The following CSNK1D variants were observed in gnomAD, a reference collection of about 807,000 sequenced individuals.
CSNK1D encodes the protein casein kinase I isoform delta.
In CSNK1D, 16 loss-of-function variants were observed where a neutral mutation model predicts 46.6. The observed-to-expected ratio is 0.34, with a 90% CI of 0.23 to 0.52. The LOEUF is 0.52. CSNK1D is among the 20% of genes least tolerant of loss of function. The pLI, the probability that CSNK1D is intolerant of heterozygous loss-of-function variation, is 0.95. For synonymous variants in CSNK1D, 276 were observed against 228.2 expected, an observed-to-expected ratio of 1.21 and a Z score of -1.89; for missense variants, 398 against 578.4, an observed-to-expected ratio of 0.69 and a Z score of 3.20.
At chr17:82,269,596 A>G (rs1392740806) in intron 1 of CSNK1D, among the ~76,000 whole-genome samples, 1 of 152,250 alleles carries the variant, frequency 6.6e-6, no homozygotes. Flanking sequence ...ACAGGTGGAC[A>G]AATGGAGGCC....
At position 82,251,465 on chromosome 17, in the gene CSNK1D, A is replaced by C; in HGVS notation, c.799T>G (p.Ser267Ala). ...TTCCGGAAAAGCTGCCGCAGGTACG[A>C]GTAGTCAGGCTTGTCGTCAAAACGC... ...SLRFDDKPDY[S>A]YLRQLFRNLF... Residue 267 changes from serine to alanine, a missense_variant, in exon 6 of 9, where the codon TCG (serine) becomes GCG (alanine). By Grantham distance (99) the Ser-to-Ala change is moderately conservative. Around this residue, in one of 2 missense-constraint regions of CSNK1D, gnomAD observed 217 missense variants for 370.3 expected, o/e 0.59. Coordinates refer to ENST00000314028, the MANE Select transcript of CSNK1D (RefSeq NM_001893.6). The surrounding 1 kb of genome is among the most constrained non-coding windows in gnomAD (Gnocchi z 4.5). 5 of 1,614,162 alleles carry C rather than the reference A, an allele frequency of 3.1e-6. No individual in the cohort carries two copies. Among genetic ancestry groups the C allele is most frequent in the Non-Finnish European group, 4.2e-6 (5 of 1,180,018 alleles).
chr17:82,266,439 G>A (rs1017582508), intron 1 of CSNK1D, among the ~76,000 whole-genome samples: 5 of 152,250 alleles, frequency 3.3e-5, no homozygotes, highest in African/African-American at 4.8e-5. Context: ...AACACGCACC[G>A]GTCACACATC....
Position 82,250,220 on chromosome 17 carries a change from G to T in CSNK1D, c.886-618C>A. 7.8e-7 allele frequency: 1 copy of T among 1,289,780 alleles called. No homozygotes were observed. Among genetic ancestry groups the T allele is most frequent in the Non-Finnish European group, 1.0e-6 (1 of 988,794 alleles). The allele number at this position is 1,289,780 out of a possible 1,614,324, so 79.9% of individuals were successfully genotyped here. On this transcript the variant is annotated intron_variant, in intron 6 of 8. Transcript: ENST00000314028. This position sits in a 1 kb window ranked among gnomAD's most constrained non-coding sequence, Gnocchi z 4.6. ...TTCTAACTGCCAATGCTGTGCGGCA[G>T]GGGCCTGCAAACTACAGCCCCGGGG...
intron 8 of CSNK1D, chr17:82,246,593 A>G (rs1200240034): frequency 1.3e-5 from 13 of 1,023,186 alleles, no homozygotes; most frequent in African/African-American, 1.7e-5. Context: ...GCCCGAAAAG[A>G]GAGGGGGCGA....
Position 82,273,018 on chromosome 17 carries a change from T to C in CSNK1D, c.76+288A>G, listed in dbSNP as rs973893647. 3 of 242,508 alleles carry C rather than the reference T, an allele frequency of 1.2e-5. No homozygotes were observed. The highest frequency in any genetic ancestry group is 2.8e-5 in the African/African-American group (1 of 35,588). The allele number at this position is 242,508 out of a possible 1,614,324, so 15.0% of individuals were successfully genotyped here. ...ACCCAGGTCGGCTCCCCAGAGACCATGCCCCACCCCGGGTCAGCTCCCCTA... is the reference window on the plus strand; with the variant it reads ...ACCCAGGTCGGCTCCCCAGAGACCACGCCCCACCCCGGGTCAGCTCCCCTA... On this transcript the variant is annotated intron_variant, in intron 1 of 8. Transcript: ENST00000314028. This position sits in a 1 kb window ranked among gnomAD's most constrained non-coding sequence, Gnocchi z 5.1.
chr17:82,246,236 C>A, intron 8 of CSNK1D: 1 of 1,486,866 alleles, frequency 6.7e-7, no homozygotes, highest in Non-Finnish European at 8.9e-7. Flanking sequence ...GGTGCCCACT[C>A]CTCTTCTGGA....
chr17:82,246,751 C>T (rs2050860745), intron 8 of CSNK1D: 2 of 991,924 alleles, frequency 2.0e-6, no homozygotes, highest in Non-Finnish European at 2.4e-6. Flanking sequence ...TTCCTGCTGC[C>T]TCCTCCCATC....
Position 82,249,619 on chromosome 17 carries a change from T to C in CSNK1D, c.886-17A>G. ...GCTGGCACCCTGAGGAGGCAGGAGG[T>C]GAGGCCGGAATGGAACCAGCTTTGG... On this transcript the variant is annotated splice_polypyrimidine_tract_variant and intron_variant, in intron 6 of 8. Coordinates refer to ENST00000314028, the MANE Select transcript of CSNK1D (RefSeq NM_001893.6). The surrounding 1 kb of genome is among the most constrained non-coding windows in gnomAD (Gnocchi z 6.7). 1 of 1,555,878 alleles carries C rather than the reference T, an allele frequency of 6.4e-7. No homozygotes were observed. The highest frequency in any genetic ancestry group is 8.6e-7 in the Non-Finnish European group (1 of 1,156,302).
chr17:82,253,066 T>C lies in CSNK1D; in HGVS notation c.515A>G (p.Asn172Ser). 6.2e-7 allele frequency: 1 copy of C among 1,613,948 alleles called. No homozygotes were observed. Among genetic ancestry groups the C allele is most frequent in the Non-Finnish European group, 8.5e-7 (1 of 1,179,966 alleles). ...HQHIPYRENK[N>S]LTGTARYASI... is the part of the protein sequence containing the mutation. ...GGCGTACCGCGCCGTCCCCGTGAGGTTCTTGTTCTCACGATAGGGGATGTG... is the reference window on the plus strand; with the variant it reads ...GGCGTACCGCGCCGTCCCCGTGAGGCTCTTGTTCTCACGATAGGGGATGTG... The change falls in exon 4 of 9, where the codon AAC (asparagine) becomes AGC (serine). Residue 172 changes from asparagine to serine, a missense_variant. By Grantham distance (46) the Asn-to-Ser change is conservative (BLOSUM62 1). Coordinates refer to ENST00000314028, the MANE Select transcript of CSNK1D (RefSeq NM_001893.6).
intron 1 of CSNK1D, among the ~76,000 whole-genome samples, chr17:82,269,665 G>C (rs2051569034): frequency 6.6e-6 from 1 of 152,206 alleles, no homozygotes; most frequent in Non-Finnish European, 1.5e-5. Context: ...CATCTGTCCA[G>C]CCCACCAGCC....
intron 1 of CSNK1D, among the ~76,000 whole-genome samples, chr17:82,272,630 G>T (rs2051658228): frequency 6.6e-6 from 1 of 152,202 alleles, no homozygotes; most frequent in Non-Finnish European, 1.5e-5. Context: ...CCAAGGCCAA[G>T]GGGAACCGTT....
downstream of CSNK1D, chr17:82,239,243 C>T (rs554049519): frequency 1.8e-4 from 49 of 274,494 alleles, no homozygotes; most frequent in East Asian, 1.5e-3. Flanking sequence ...AGGTGGCCTG[C>T]GGCCACTGCT....
intron 1 of CSNK1D, among the ~76,000 whole-genome samples, chr17:82,269,582 G>C (rs1431939259): frequency 6.6e-6 from 1 of 152,252 alleles, no homozygotes; most frequent in Non-Finnish European, 1.5e-5. Context: ...AGTCCATCCA[G>C]GTAACAGGTG....
rs971208798 is a variant in CSNK1D, at chr17:82,244,243, C to T, written c.*538G>A. The T allele has an allele frequency of 1.0e-5, 11 of 1,081,124 alleles. No individual in the cohort carries two copies. The highest frequency in any genetic ancestry group is 1.2e-5 in the Non-Finnish European group (11 of 885,686). The allele number at this position is 1,081,124 out of a possible 1,614,324, so 67.0% of individuals were successfully genotyped here. Reference sequence around the variant, plus strand: ...ACACACCCTTGAGATCCACCTGCACCTTCTCCCTGCCCGACTCCACCTCAT... The same window carrying T: ...ACACACCCTTGAGATCCACCTGCACTTTCTCCCTGCCCGACTCCACCTCAT... On this transcript the variant is annotated 3_prime_UTR_variant, in exon 9 of 9. Coordinates refer to ENST00000314028, the MANE Select transcript of CSNK1D (RefSeq NM_001893.6).
chr17:82,252,669 G>A lies in CSNK1D; in HGVS notation c.566-65C>T, dbSNP rs1052982962. On this transcript the variant is annotated intron_variant, in intron 4 of 8. Transcript: ENST00000314028. This position sits in a 1 kb window ranked among gnomAD's most constrained non-coding sequence, Gnocchi z 4.6. ...GTGCTCACGTCAAAGCAAAAGACCC[G>A]GCTGGCCGTTCCAGTGGAGACTAGC... is the stretch of plus-strand genomic sequence containing the variant. The A allele has an allele frequency of 1.9e-5, 29 of 1,532,740 alleles. No individual in the cohort carries two copies. The highest frequency in any genetic ancestry group is 8.2e-5 in the African/African-American group (6 of 73,142). The allele number at this position is 1,532,740 out of a possible 1,614,324, so 94.9% of individuals were successfully genotyped here.
chr17:82,251,801 T>C lies in CSNK1D; in HGVS notation c.737-274A>G, dbSNP rs914667654. ...GTCAGGAGATCAAGACCATCCTGGC[T>C]AACACAGTGAAACCCCATCTCTACT... is the stretch of plus-strand genomic sequence containing the variant. On this transcript the variant is annotated intron_variant, in intron 5 of 8. Transcript: ENST00000314028. This position sits in a 1 kb window ranked among gnomAD's most constrained non-coding sequence, Gnocchi z 4.5. 3 of 440,834 alleles carry C rather than the reference T, an allele frequency of 6.8e-6. No homozygotes were observed. Among genetic ancestry groups the C allele is most frequent in the East Asian group, 4.6e-5 (1 of 21,604 alleles). 27.3% of individuals were successfully genotyped at this position (440,834 alleles called of 1,614,324 possible).
chr17:82,267,351 T>TA (rs375087865), intron 1 of CSNK1D, among the ~76,000 whole-genome samples: 1 of 152,188 alleles, frequency 6.6e-6, no homozygotes, highest in African/African-American at 2.4e-5. Context: ...AAAAGCAGAG[T>TA]AAGGTCAAGT....
At chr17:82,242,302 G>A (rs2050752037), downstream of CSNK1D, among the ~76,000 whole-genome samples, 1 of 152,198 alleles carries the variant, frequency 6.6e-6, no homozygotes, top group Non-Finnish European at 1.5e-5. Flanking sequence ...GCGACAGGGG[G>A]ATCCCTGAGC....
In CSNK1D at chr17:82,273,434, A is replaced by C; in HGVS notation, c.-53T>G. 1 of 1,600,344 alleles carries C rather than the reference A, an allele frequency of 6.2e-7. No homozygotes were observed. The highest frequency in any genetic ancestry group is 8.5e-7 in the Non-Finnish European group (1 of 1,174,138). On this transcript the variant is annotated 5_prime_UTR_variant, in exon 1 of 9. Coordinates refer to ENST00000314028, the MANE Select transcript of CSNK1D (RefSeq NM_001893.6). This position sits in a 1 kb window ranked among gnomAD's most constrained non-coding sequence, Gnocchi z 5.1. ...CCTCCCGGCCGCTTCCTGGGTCTGA[A>C]CTCTGGGAGGCGGCGCCGCTGCTGC...
Sources: gnomAD v4.1 joint callset for allele counts (sites outside exome capture counted in the v4.1 genomes callset) on GRCh38, gnomAD v4.1.1 for gene constraint, gnomAD v4.1.1 regional missense constraint, Gnocchi (gnomAD v3.1) non-coding constraint, MANE v1.5 for transcripts, NCBI Gene and HGNC (gene_info 2026-07-23, HGNC 2026-07-21) for gene names.